The following TTC28 variants were observed in gnomAD, a reference collection of about 807,000 sequenced individuals.
TTC28 encodes tetratricopeptide repeat protein 28.
In TTC28, 61 loss-of-function variants were observed where a neutral mutation model predicts 198.0. The ratio of observed to expected loss-of-function variants is 0.31; its 90% CI spans 0.25 to 0.38. The LOEUF (loss-of-function observed/expected upper bound fraction) is 0.38. Ranked by LOEUF, TTC28 falls within the 10% of genes least tolerant of loss-of-function variation. TTC28 has a pLI of 1.00. For synonymous variants in TTC28, 1,171 were observed against 1,297.8 expected, an observed-to-expected ratio of 0.90 and a Z score of 2.10; for missense variants, 2,678 against 3,164.0, an observed-to-expected ratio of 0.85 and a Z score of 3.69.
rs576251323 is a variant in TTC28, at chr22:28,611,443, T to G, written c.381+18109A>C. On this transcript the variant is annotated intron_variant, in intron 2 of 22. Coordinates refer to ENST00000397906, the MANE Select transcript of TTC28 (RefSeq NM_001145418.2). ...CTTAAAGAAAAGAATTTTCAACCCATAATTTCATATCCAGCCAAACTAAGC... is the reference window on the plus strand; with the variant it reads ...CTTAAAGAAAAGAATTTTCAACCCAGAATTTCATATCCAGCCAAACTAAGC... Among the ~76,000 whole-genome samples the G allele has an allele frequency of 2.9e-3, 435 of 151,576 alleles. 2 individuals carry two copies. The highest frequency in any genetic ancestry group is 9.7e-3 in the African/African-American group (403 of 41,402).
In TTC28 at chr22:28,081,984, T is replaced by C. The variant is rs928505592; in HGVS notation, c.3932+12096A>G. Among the ~76,000 whole-genome samples the C allele has an allele frequency of 3.5e-4, 54 of 152,356 alleles. 1 individual carries two copies. Among genetic ancestry groups the C allele is most frequent in the Admixed American group, 3.1e-3 (47 of 15,294 alleles). Reference sequence around the variant, plus strand: ...GGTCTTTCCCTTCCTTGGTTAAGTTTATTCCTGAGTATTTTGTAATTTTTG... The same window carrying C: ...GGTCTTTCCCTTCCTTGGTTAAGTTCATTCCTGAGTATTTTGTAATTTTTG... On this transcript the variant is annotated intron_variant, in intron 12 of 22. Coordinates refer to ENST00000397906, the MANE Select transcript of TTC28 (RefSeq NM_001145418.2).
intron 5 of TTC28, among the ~76,000 whole-genome samples, chr22:28,166,354 A>G (rs1033918613): frequency 2.6e-5 from 4 of 152,220 alleles, no homozygotes; most frequent in African/African-American, 7.2e-5. Context: ...TCTCCACCCC[A>G]AATCAACAGA....
At chr22:27,988,784 C>T (rs1049467476) in intron 21 of TTC28, among the ~76,000 whole-genome samples, 3 of 152,070 alleles carry the variant, frequency 2.0e-5, no homozygotes, top group African/African-American at 7.2e-5. Flanking sequence ...GCTGTTCCCT[C>T]GGCCTGGCAC....
intron 3 of TTC28, chr22:28,303,666 AG>A (rs2045072709): frequency 6.6e-6 from 1 of 152,290 alleles, no homozygotes; most frequent in South Asian, 2.1e-4. Context: ...ACCAAACCAC[AG>A]GAACACTGTG....
intron 1 of TTC28, among the ~76,000 whole-genome samples, chr22:28,635,588 G>A (rs2051256406): frequency 6.6e-6 from 1 of 152,034 alleles, no homozygotes; most frequent in Non-Finnish European, 1.5e-5. Context: ...TGAGCCAAAT[G>A]GGCTCAATAT....
chr22:28,609,987 T>C (rs1349821495), intron 2 of TTC28, among the ~76,000 whole-genome samples: 1 of 152,122 alleles, frequency 6.6e-6, no homozygotes, highest in Non-Finnish European at 1.5e-5. Context: ...TCAAACTCGG[T>C]ATAGCCCACC....
intron 2 of TTC28, among the ~76,000 whole-genome samples, chr22:28,368,773 C>CA (rs2046285342): frequency 1.3e-5 from 2 of 151,352 alleles, no homozygotes; most frequent in Non-Finnish European, 3.0e-5. Context: ...AAAAAGAAAT[C>CA]AAAAAAAGTA....
At chr22:28,099,492 T>C (rs919180016) in intron 9 of TTC28, among the ~76,000 whole-genome samples, 5 of 152,174 alleles carry the variant, frequency 3.3e-5, no homozygotes, top group Admixed American at 1.3e-4. Flanking sequence ...CTCGAGTGTT[T>C]TTCCAGCTAC....
At chr22:28,234,721 C>A (rs1328566512) in intron 5 of TTC28, among the ~76,000 whole-genome samples, 2 of 152,090 alleles carry the variant, frequency 1.3e-5, no homozygotes, top group East Asian at 3.9e-4. Context: ...AAGCTGAGAT[C>A]CCTTGGAGTG....
chr22:28,004,095 C>G (rs953785296), intron 14 of TTC28, among the ~76,000 whole-genome samples: 5 of 152,216 alleles, frequency 3.3e-5, no homozygotes, highest in Admixed American at 3.3e-4. Context: ...CATGGCAGCC[C>G]CAGAACGGGG....
chr22:28,212,115 A>G (rs1434073763), intron 5 of TTC28, among the ~76,000 whole-genome samples: 1 of 152,200 alleles, frequency 6.6e-6, no homozygotes, highest in Non-Finnish European at 1.5e-5. Flanking sequence ...TCTCTGGGAC[A>G]CATTTAAAGC....
chr22:28,020,619 G>GCACT (rs1384605122), intron 13 of TTC28, among the ~76,000 whole-genome samples: 1 of 152,294 alleles, frequency 6.6e-6, no homozygotes, highest in African/African-American at 2.4e-5. Context: ...GGAAGCCAGC[G>GCACT]CACTGCTCAC....
chr22:28,170,173 C>T (rs527552061), intron 5 of TTC28, among the ~76,000 whole-genome samples: 2 of 152,100 alleles, frequency 1.3e-5, no homozygotes, highest in South Asian at 2.1e-4. Context: ...TAACCTCTGT[C>T]ATATAGGAAA....
chr22:28,614,432 T>A (rs1285621484), intron 2 of TTC28, among the ~76,000 whole-genome samples: 2 of 152,158 alleles, frequency 1.3e-5, no homozygotes, highest in Non-Finnish European at 2.9e-5. Context: ...TTCACAGAAT[T>A]AGAAAAAACT....
rs2049548870 is a variant in TTC28 at position 28,546,664 on chromosome 22, C to T, written c.381+82888G>A. 2.0e-5 allele frequency among the ~76,000 whole-genome samples: 3 copies of T among 152,042 alleles called. No homozygotes were observed. The South Asian group carries it at 6.2e-4, about 31-fold the overall frequency. On this transcript the variant is annotated intron_variant, in intron 2 of 22. Transcript: ENST00000397906. The stretch of plus-strand genomic sequence containing the variant: ...AAACTCATTTACACAGAGACTTGCA[C>T]TCGAATGTTCATAGCAGTGTTATTC...
intron 1 of TTC28, among the ~76,000 whole-genome samples, chr22:28,661,964 C>A (rs1161416385): frequency 6.6e-6 from 1 of 152,168 alleles, no homozygotes; most frequent in East Asian, 1.9e-4. Flanking sequence ...TGGTCTTGAA[C>A]TCCTGACCTC....
chr22:28,196,212 G>T (rs887227490), intron 5 of TTC28, among the ~76,000 whole-genome samples: 5 of 152,090 alleles, frequency 3.3e-5, no homozygotes, highest in African/African-American at 1.2e-4. Flanking sequence ...AATAAATGGT[G>T]CTGGGAAAAC....
intron 2 of TTC28, among the ~76,000 whole-genome samples, chr22:28,310,978 C>G (rs1026497500): frequency 2.6e-5 from 4 of 151,998 alleles, no homozygotes; most frequent in Non-Finnish European, 5.9e-5. Flanking sequence ...CGGGGTTTCA[C>G]CATGTTGGCC....
chr22:28,673,954 A>T (rs886435894), intron 1 of TTC28, among the ~76,000 whole-genome samples: 4 of 152,236 alleles, frequency 2.6e-5, no homozygotes, highest in Admixed American at 2.0e-4. Flanking sequence ...TAACCATGAA[A>T]TTTAATGAAA....
Sources: allele counts gnomAD v4.1 joint callset (sites outside exome capture counted in the v4.1 genomes callset), GRCh38; gene constraint gnomAD v4.1.1; transcripts MANE v1.5; gene names NCBI Gene and HGNC (gene_info 2026-07-23, HGNC 2026-07-21).